Variants in HTR1D observed in about 807,000 individuals in gnomAD.
HTR1D encodes 5-hydroxytryptamine receptor 1D.
A neutral mutation model predicts 21.1 loss-of-function variants in HTR1D; 18 were observed. The ratio of observed to expected loss-of-function variants is 0.85; its 90% CI spans 0.59 to 1.27. The LOEUF is 1.27. Among genes scored for constraint, HTR1D ranks in the 50% most tolerant of loss-of-function variants. The pLI, the probability that HTR1D is intolerant of heterozygous loss-of-function variation, is 0.00. For missense variants in HTR1D, 456 were observed against 481.4 expected (o/e 0.95, Z 0.49); for synonymous variants, 196 against 204.4 (o/e 0.96, Z 0.35).
chr1:23,209,926 G>A (rs1644747543), intron 1 of HTR1D, among the ~76,000 whole-genome samples: 1 of 152,148 alleles, frequency 6.6e-6, no homozygotes, highest in Non-Finnish European at 1.5e-5. Flanking sequence ...ACCTGAGCAG[G>A]CCCTCTCTCT....
intron 1 of HTR1D, among the ~76,000 whole-genome samples, chr1:23,207,268 G>A (rs1374216365): frequency 6.6e-6 from 1 of 152,146 alleles, no homozygotes; most frequent in African/African-American, 2.4e-5. Context: ...TGGGTGTGGT[G>A]TGTGGTGGTA....
chr1:23,211,282 T>C (rs943290757), intron 1 of HTR1D, among the ~76,000 whole-genome samples: 25 of 152,132 alleles, frequency 1.6e-4, no homozygotes, highest in African/African-American at 5.6e-4. Flanking sequence ...ACTCTCCTCT[T>C]AGGAGGACTT....
rs774878127 is a variant in HTR1D at position 23,193,229 on chromosome 1, A to G, written c.991T>C (p.Cys331Arg). The change falls in exon 2 of 2, where the codon TGC becomes CGC. Residue 331 changes from cysteine (C) to arginine (R), a missense_variant. Cys to Arg is a radical substitution (Grantham distance 180). Coordinates refer to ENST00000374619, the MANE Select transcript of HTR1D (RefSeq NM_000864.5). ...TCAAAGAGCGCCGGGTGGATCCAGC[A>G]GGAGTCCCGGCAGATGGGGAGGACC... ...SLVLPICRDS[C>R]WIHPALFDFF... 10 of 1,614,046 alleles carry G rather than the reference A, an allele frequency of 6.2e-6. No individual in the cohort carries two copies. Among genetic ancestry groups the G allele is most frequent in the Non-Finnish European group, 7.6e-6 (9 of 1,180,036 alleles).
chr1:23,205,337 C>A (rs1644725492), intron 1 of HTR1D, among the ~76,000 whole-genome samples: 1 of 152,096 alleles, frequency 6.6e-6, no homozygotes, highest in South Asian at 2.1e-4. Context: ...CGAATCACCT[C>A]TAAAGAACTT....
rs570588311 is a variant in HTR1D at position 23,212,915 on chromosome 1, C to T, written c.-783+4376G>A. Among the ~76,000 whole-genome samples, 119 of 152,108 alleles carry T rather than the reference C, an allele frequency of 7.8e-4. No individual in the cohort carries two copies. In the Middle Eastern group the frequency reaches 0.014, roughly 17 times the overall value. ...AATCTCCACTCACTGCAACCTCTGC[C>T]TCCCGGGTTCAAGCGATTCTCCTGC... On this transcript the variant is annotated intron_variant, in intron 1 of 1. Transcript: ENST00000374619.
intron 1 of HTR1D, among the ~76,000 whole-genome samples, chr1:23,201,802 C>T (rs1210469578): frequency 3.3e-5 from 5 of 152,084 alleles, no homozygotes; most frequent in Non-Finnish European, 7.4e-5. Flanking sequence ...GATCCTCCTG[C>T]CTCAGCCTCC....
Position 23,215,065 on chromosome 1 carries a change from A to G in HTR1D, c.-783+2226T>C, listed in dbSNP as rs375027505. Among the ~76,000 whole-genome samples, 99 of 152,266 alleles carry G rather than the reference A, an allele frequency of 6.5e-4. 1 individual carries two copies. In the South Asian group the frequency reaches 0.02, roughly 31 times the overall value. On this transcript the variant is annotated intron_variant, in intron 1 of 1. Coordinates refer to ENST00000374619, the MANE Select transcript of HTR1D (RefSeq NM_000864.5). ...GTGTCAAGTCACAGGGGCCCAGAGA[A>G]GAGAGTGTTTTGGGGAGAAGAAACA...
At chr1:23,216,308 A>T (rs952340729) in intron 1 of HTR1D, among the ~76,000 whole-genome samples, 3 of 152,242 alleles carry the variant, frequency 2.0e-5, no homozygotes, top group African/African-American at 7.2e-5. Context: ...GTTTGGAGCC[A>T]GGGGCTGTGC....
chr1:23,210,209 C>A (rs1372390903), intron 1 of HTR1D, among the ~76,000 whole-genome samples: 2 of 152,168 alleles, frequency 1.3e-5, no homozygotes, highest in Non-Finnish European at 2.9e-5. Context: ...TCTTTAGTAG[C>A]TGGGACTACA....
intron 1 of HTR1D, among the ~76,000 whole-genome samples, chr1:23,204,133 T>TA (rs1288975947): frequency 6.6e-6 from 1 of 151,416 alleles, no homozygotes. Context: ...CCAGTCTCTT[T>TA]TTTTTTTTTT....
At chr1:23,213,751 G>T (rs1422562064) in intron 1 of HTR1D, among the ~76,000 whole-genome samples, 1 of 152,056 alleles carries the variant, frequency 6.6e-6, no homozygotes, top group Non-Finnish European at 1.5e-5. Context: ...TAGAGATGGG[G>T]TCTCATCATG....
Position 23,194,412 on chromosome 1 carries a change from A to C in HTR1D, c.-193T>G. The C allele has an allele frequency of 2.5e-6, 1 of 396,784 alleles. No individual in the cohort carries two copies. 24.6% of individuals were successfully genotyped at this position (396,784 alleles called of 1,614,324 possible). On this transcript the variant is annotated 5_prime_UTR_variant, in exon 2 of 2. It adds an upstream start codon to the 5' untranslated region. Transcript: ENST00000374619. ...TTGCAATAAAATAAAATTAAATAAC[A>C]ATAATAATAATAATATTAAACAAGA...
At chr1:23,204,607 T>A (rs550686461) in intron 1 of HTR1D, among the ~76,000 whole-genome samples, 6 of 152,324 alleles carry the variant, frequency 3.9e-5, no homozygotes, top group Admixed American at 2.6e-4. Context: ...AAGGAGTATT[T>A]TTTTTGTCCC....
chr1:23,200,756 C>T (rs1454201163), intron 1 of HTR1D, among the ~76,000 whole-genome samples: 1 of 152,182 alleles, frequency 6.6e-6, no homozygotes, highest in Non-Finnish European at 1.5e-5. Flanking sequence ...CAGGCAACAA[C>T]ATCACTTCCC....
At chr1:23,206,595 G>T (rs1444437208) in intron 1 of HTR1D, among the ~76,000 whole-genome samples, 1 of 152,080 alleles carries the variant, frequency 6.6e-6, no homozygotes, top group Non-Finnish European at 1.5e-5. Flanking sequence ...CTGATCCTTT[G>T]TCCCTGCTGT....
At chr1:23,204,252 A>AGTAGCTG (rs1644721035) in intron 1 of HTR1D, among the ~76,000 whole-genome samples, 2 of 152,016 alleles carry the variant, frequency 1.3e-5, no homozygotes, top group Admixed American at 1.3e-4. Context: ...CAGCCTCCCG[A>AGTAGCTG]GTAGCTGGGA....
rs1482014490 is a variant in HTR1D, at chr1:23,194,023, G to A, written c.197C>T (p.Thr66Ile). 1.2e-6 allele frequency: 2 copies of A among 1,614,172 alleles called. No individual in the cohort carries two copies. Among genetic ancestry groups the A allele is most frequent in the Admixed American group, 1.7e-5 (1 of 60,022 alleles). ...GTTGGCAGGGGTGTGGAGCTTCCTGGTGAGTAAGATGGTGGTGAGTACAAA... is the reference window on the plus strand; with the variant it reads ...GTTGGCAGGGGTGTGGAGCTTCCTGATGAGTAAGATGGTGGTGAGTACAAA... ...NAFVLTTILL[T>I]RKLHTPANYL... Residue 66 changes from threonine to isoleucine, a missense_variant, in exon 2 of 2, where the codon ACC (threonine) becomes ATC (isoleucine). Coordinates refer to ENST00000374619, the MANE Select transcript of HTR1D (RefSeq NM_000864.5).
At chr1:23,206,810 C>T (rs889981133) in intron 1 of HTR1D, among the ~76,000 whole-genome samples, 3 of 152,092 alleles carry the variant, frequency 2.0e-5, no homozygotes, top group East Asian at 1.9e-4. Flanking sequence ...ACAGGAGCTC[C>T]TTGAGTGTCT....
intron 1 of HTR1D, among the ~76,000 whole-genome samples, chr1:23,212,558 A>G (rs1275530529): frequency 2.6e-5 from 4 of 152,156 alleles, no homozygotes; most frequent in Admixed American, 2.0e-4. Context: ...CTGCAGTCCA[A>G]TGCCTGTGGT....
Sources: gnomAD v4.1 joint callset for allele counts (sites outside exome capture counted in the v4.1 genomes callset) on GRCh38, gnomAD v4.1.1 for gene constraint, MANE v1.5 for transcripts, NCBI Gene and HGNC (gene_info 2026-07-23, HGNC 2026-07-21) for gene names.